The following PHACTR3 variants were observed in gnomAD, a reference collection of about 807,000 sequenced individuals.
PHACTR3 encodes the protein phosphatase and actin regulator 3.
A neutral mutation model predicts 66.8 loss-of-function variants in PHACTR3; 16 were observed. The ratio of observed to expected loss-of-function variants is 0.24; its 90% CI spans 0.16 to 0.36. The LOEUF is 0.36. PHACTR3 is among the 10% of genes least tolerant of loss of function. PHACTR3 has a pLI of 1.00. For synonymous variants in PHACTR3, 323 were observed against 292.1 expected (o/e 1.11, Z -1.08); for missense variants, 647 against 719.9 (o/e 0.90, Z 1.16).
chr20:59,585,101 A>G (rs1367234811), intron 1 of PHACTR3, among the ~76,000 whole-genome samples: 1 of 152,184 alleles, frequency 6.6e-6, no homozygotes, highest in Non-Finnish European at 1.5e-5. Context: ...GGGCTTTTGC[A>G]TAGGCAGCTT....
At position 59,759,112 on chromosome 20, in the gene PHACTR3, C is replaced by A. The variant is rs368885908; in HGVS notation, c.541+3748C>A. On this transcript the variant is annotated intron_variant, in intron 4 of 12. Transcript: ENST00000371015. ...TGCCTACAGATGCTCCCAGAGAGGCCATCTCTCTGGTAGCATGTGTGTTTT... is the reference window on the plus strand; with the variant it reads ...TGCCTACAGATGCTCCCAGAGAGGCAATCTCTCTGGTAGCATGTGTGTTTT... Among the ~76,000 whole-genome samples the A allele has an allele frequency of 1.6e-4, 25 of 152,256 alleles. No individual in the cohort carries two copies. The East Asian group carries it at 4.1e-3, about 25-fold the overall frequency.
chr20:59,647,789 TCC>T (rs1421894406), intron 1 of PHACTR3, among the ~76,000 whole-genome samples: 1 of 152,174 alleles, frequency 6.6e-6, no homozygotes, highest in Non-Finnish European at 1.5e-5. Context: ...TGGATTCAGG[TCC>T]CAGTCCCACC....
intron 1 of PHACTR3, among the ~76,000 whole-genome samples, chr20:59,638,016 G>A (rs1209454822): frequency 4.6e-5 from 7 of 152,176 alleles, no homozygotes; most frequent in Admixed American, 4.6e-4. Flanking sequence ...AAAACTACAT[G>A]GCCAGGGTCT....
chr20:59,825,638 G>T (rs2042169053), intron 8 of PHACTR3, among the ~76,000 whole-genome samples: 1 of 152,188 alleles, frequency 6.6e-6, no homozygotes, highest in Non-Finnish European at 1.5e-5. Flanking sequence ...GTGCAGAAAG[G>T]AGCCAGTTAC....
chr20:59,689,961 C>G (rs967551782), intron 1 of PHACTR3, among the ~76,000 whole-genome samples: 3 of 152,112 alleles, frequency 2.0e-5, no homozygotes, highest in African/African-American at 7.2e-5. Context: ...TCTGTTGGGC[C>G]CATCTAATTG....
intron 8 of PHACTR3, among the ~76,000 whole-genome samples, chr20:59,821,698 A>ATGAG (rs774811542): frequency 1.3e-5 from 2 of 152,330 alleles, no homozygotes; most frequent in Admixed American, 6.5e-5. Context: ...GAAGAGATGG[A>ATGAG]TGAGTGAATG....
chr20:59,845,326 C>A (rs112656796), intron 12 of PHACTR3, 61 bp downstream of exon 12: 2 of 1,026,574 alleles, frequency 1.9e-6, no homozygotes, highest in East Asian at 2.6e-5. Context: ...CGCCTTCCCC[C>A]GTCCCCCGCC....
intron 8 of PHACTR3, among the ~76,000 whole-genome samples, chr20:59,821,979 C>CAATCCTACCCTTCCCCA (rs1434273645): frequency 6.7e-6 from 1 of 148,544 alleles, no homozygotes; most frequent in Non-Finnish European, 1.5e-5. Flanking sequence ...CTTTCTGCAG[C>CAATCCTACCCTTCCCCA]GATCCCACCC....
At chr20:59,631,947 C>G (rs376390022) in intron 1 of PHACTR3, among the ~76,000 whole-genome samples, 3 of 152,190 alleles carry the variant, frequency 2.0e-5, no homozygotes, top group African/African-American at 7.2e-5. Context: ...CTGTGGTAGC[C>G]TCTGTCCTTT....
chr20:59,661,076 T>C (rs995135292), intron 1 of PHACTR3, among the ~76,000 whole-genome samples: 1 of 152,206 alleles, frequency 6.6e-6, no homozygotes, highest in African/African-American at 2.4e-5. Flanking sequence ...AAGTGGGCAG[T>C]GGATTATGCC....
chr20:59,678,005 C>T (rs574767199), intron 1 of PHACTR3, among the ~76,000 whole-genome samples: 3 of 152,336 alleles, frequency 2.0e-5, no homozygotes, highest in South Asian at 2.1e-4. Flanking sequence ...GCCGTTGAAT[C>T]TCACAACTTT....
At chr20:59,673,650 C>A (rs892446265) in intron 1 of PHACTR3, among the ~76,000 whole-genome samples, 6 of 152,136 alleles carry the variant, frequency 3.9e-5, no homozygotes, top group African/African-American at 1.4e-4. Context: ...TGTGGAGGCC[C>A]CAGGATTCCG....
intron 7 of PHACTR3, among the ~76,000 whole-genome samples, chr20:59,774,718 A>G (rs2040468540): frequency 6.6e-6 from 1 of 152,006 alleles, no homozygotes; most frequent in Non-Finnish European, 1.5e-5. Context: ...ACCCCGGTGA[A>G]ATTGTTTTGA....
At chr20:59,705,554 TTTAAA>T (rs1382220105) in intron 1 of PHACTR3, among the ~76,000 whole-genome samples, 1 of 152,218 alleles carries the variant, frequency 6.6e-6, no homozygotes, top group African/African-American at 2.4e-5. Context: ...CCTCTTAGTA[TTTAAA>T]TAAAATAGTT....
chr20:59,751,034 ATTG>A (rs2039559351), intron 3 of PHACTR3, among the ~76,000 whole-genome samples: 1 of 152,126 alleles, frequency 6.6e-6, no homozygotes, highest in Non-Finnish European at 1.5e-5. Context: ...GATGACTGGA[ATTG>A]TTGGCGGTGG....
intron 1 of PHACTR3, among the ~76,000 whole-genome samples, chr20:59,667,836 G>A (rs1412098480): frequency 6.6e-6 from 1 of 152,222 alleles, no homozygotes; most frequent in Admixed American, 6.5e-5. Flanking sequence ...GGGCAGGTGT[G>A]TGTGATGGCC....
intron 1 of PHACTR3, among the ~76,000 whole-genome samples, chr20:59,648,506 C>T (rs2035358735): frequency 6.6e-6 from 1 of 152,164 alleles, no homozygotes; most frequent in African/African-American, 2.4e-5. Flanking sequence ...CTTTAAAAAA[C>T]ATCTTTAAAA....
chr20:59,636,481 C>A (rs1760028024), intron 1 of PHACTR3, among the ~76,000 whole-genome samples: 1 of 152,152 alleles, frequency 6.6e-6, no homozygotes, highest in South Asian at 2.1e-4. Context: ...ATGTGGCCAC[C>A]TGAGCTCACA....
intron 5 of PHACTR3, among the ~76,000 whole-genome samples, chr20:59,772,430 C>G (rs1255371417): frequency 6.6e-6 from 1 of 152,182 alleles, no homozygotes; most frequent in African/African-American, 2.4e-5. Flanking sequence ...GCGTGATTCA[C>G]TCCAAGTAAG....
Sources: gnomAD v4.1 joint callset for allele counts (sites outside exome capture counted in the v4.1 genomes callset) on GRCh38, gnomAD v4.1.1 for gene constraint, MANE v1.5 for transcripts, NCBI Gene and HGNC (gene_info 2026-07-23, HGNC 2026-07-21) for gene names.